CNIH1: variants seen among roughly 807,000 people sequenced by gnomAD.
CNIH1 encodes the protein protein cornichon homolog 1.
CNIH1 carries 12 observed loss-of-function variants against 20.2 expected under a neutral mutation model. The ratio of observed to expected loss-of-function variants is 0.59; its 90% CI spans 0.38 to 0.96. CNIH1 has a LOEUF of 0.96. CNIH1 is among the 40% of genes least tolerant of loss of function. The pLI, the probability that CNIH1 is intolerant of heterozygous loss-of-function variation, is 0.00. For missense variants in CNIH1, 152 were observed against 178.8 expected (o/e 0.85, Z 0.85); for synonymous variants, 69 against 63.3 (o/e 1.09, Z -0.43).
intron 1 of CNIH1, among the ~76,000 whole-genome samples, chr14:54,438,595 A>G (rs755065160): frequency 7.9e-5 from 12 of 152,230 alleles, no homozygotes; most frequent in Non-Finnish European, 1.0e-4. Context: ...CAATGACATG[A>G]ATTAGGACTA....
chr14:54,424,044 C>T lies in CNIH1; in HGVS notation c.*3770G>A, dbSNP rs931986591. On this transcript the variant is annotated 3_prime_UTR_variant, in exon 5 of 5. Transcript: ENST00000216416. The stretch of plus-strand genomic sequence containing the variant: ...TCAAAGTAAAATTGTTATAAGAAAG[C>T]TAGTCAATATATTTAGCAATAGAAC... 2 of 152,136 alleles carry T rather than the reference C, an allele frequency of 1.3e-5. No individual in the cohort carries two copies. The highest frequency in any genetic ancestry group is 4.8e-5 in the African/African-American group (2 of 41,434). 9.4% of individuals were successfully genotyped at this position (152,136 alleles called of 1,614,324 possible).
chr14:54,429,496 C>T (rs764206074), intron 4 of CNIH1, among the ~76,000 whole-genome samples: 4 of 152,194 alleles, frequency 2.6e-5, no homozygotes, highest in African/African-American at 4.8e-5. Context: ...CGATGGCTCA[C>T]GCCTGTAATC....
intron 3 of CNIH1, among the ~76,000 whole-genome samples, 156 bp from the exon 4 acceptor site, chr14:54,430,560 A>T (rs1239976407): frequency 2.0e-5 from 3 of 152,216 alleles, no homozygotes; most frequent in African/African-American, 7.2e-5. Flanking sequence ...TACCATCTTA[A>T]TTTTAAAAGT....
At chr14:54,432,508 C>T (rs922274580) in intron 2 of CNIH1, among the ~76,000 whole-genome samples, 3 of 152,184 alleles carry the variant, frequency 2.0e-5, no homozygotes, top group Admixed American at 1.3e-4. Context: ...AAAGTTACCA[C>T]CCAGATTGTT....
rs73257050 is a variant in CNIH1 at position 54,435,907 on chromosome 14, T to C, written c.150+462A>G. 1.5e-3 allele frequency among the ~76,000 whole-genome samples: 232 copies of C among 152,320 alleles called. 1 individual carries two copies. The highest frequency in any genetic ancestry group is 5.2e-3 in the African/African-American group (216 of 41,572). The stretch of plus-strand genomic sequence containing the variant: ...TACGCATTTAACAGCTTTCCCTACT[T>C]GACTGGGCCAGCAAGCATATATTTG... On this transcript the variant is annotated intron_variant, in intron 2 of 4. Transcript: ENST00000216416.
chr14:54,431,317 A>G (rs755827153), intron 3 of CNIH1, among the ~76,000 whole-genome samples: 2 of 151,972 alleles, frequency 1.3e-5, no homozygotes, highest in Non-Finnish European at 2.9e-5. Flanking sequence ...TAGTTGAGAC[A>G]GGGTTTCACC....
chr14:54,430,231 A>G (rs1446175863), intron 4 of CNIH1, 30 bp downstream of exon 4: 2 of 1,609,090 alleles, frequency 1.2e-6, no homozygotes, highest in African/African-American at 2.7e-5. Context: ...GCAAAGTGAA[A>G]GCATATTTCA....
In CNIH1 at chr14:54,426,007, T is replaced by A. The variant is rs2030820508; in HGVS notation, c.*1807A>T. ...CCAGGTCTTGCATGATCAAAAGTCC[T>A]TGTGAACAAGAAAGAAAACTAAGTG... On this transcript the variant is annotated 3_prime_UTR_variant, in exon 5 of 5. Coordinates refer to ENST00000216416, the MANE Select transcript of CNIH1 (RefSeq NM_005776.3). 1.3e-5 allele frequency: 2 copies of A among 152,144 alleles called. No homozygotes were observed. The highest frequency in any genetic ancestry group is 2.1e-4 in the South Asian group (1 of 4,826). 9.4% of individuals were successfully genotyped at this position (152,144 alleles called of 1,614,324 possible).
At chr14:54,430,943 T>C (rs564835235) in intron 3 of CNIH1, among the ~76,000 whole-genome samples, 4 of 152,246 alleles carry the variant, frequency 2.6e-5, no homozygotes, top group Non-Finnish European at 2.9e-5. Flanking sequence ...GCAATCCTTC[T>C]GCCTCAGCCT....
At chr14:54,432,241 A>G in intron 2 of CNIH1, 21 bp from the exon 3 acceptor site, 1 of 1,383,368 alleles carries the variant, frequency 7.2e-7, no homozygotes, top group East Asian at 2.6e-5. Context: ...AACACAAGCC[A>G]GTTATCAAAA....
Position 54,436,412 on chromosome 14 carries a change from G to T in CNIH1, c.107C>A (p.Thr36Asn). The change falls in exon 2 of 5, where the codon ACT becomes AAT. Residue 36 changes from threonine (T) to asparagine (N), a missense_variant. Transcript: ENST00000216416. ...WHIIAFDELK[T>N]DYKNPIDQCN... The stretch of plus-strand genomic sequence containing the variant: ...CTGGTCTATAGGATTCTTGTAATCA[G>T]TCTTCAGCTCATCAAATGCTATAAT... The T allele has an allele frequency of 6.4e-7, 1 of 1,573,078 alleles. No individual in the cohort carries two copies. Among genetic ancestry groups the T allele is most frequent in the Non-Finnish European group, 8.7e-7 (1 of 1,143,398 alleles).
At position 54,429,269 on chromosome 14, in the gene CNIH1, A is replaced by G. The variant is rs2030885337; in HGVS notation, c.407+992T>C. On this transcript the variant is annotated intron_variant, in intron 4 of 4. Transcript: ENST00000216416. ...CCTCAGGACATCTGGCAATGTCCAGAGACATTTTTGGTTGTCATGAGGGGG... is the reference window on the plus strand; with the variant it reads ...CCTCAGGACATCTGGCAATGTCCAGGGACATTTTTGGTTGTCATGAGGGGG... Among the ~76,000 whole-genome samples the G allele has an allele frequency of 5.3e-5, 8 of 152,332 alleles. No homozygotes were observed. In the South Asian group the frequency reaches 1.7e-3, roughly 32 times the overall value.
At position 54,427,304 on chromosome 14, in the gene CNIH1, A is replaced by T. The variant is rs539372402; in HGVS notation, c.*510T>A. The T allele has an allele frequency of 6.6e-6, 1 of 152,654 alleles. No individual in the cohort carries two copies. Among genetic ancestry groups the T allele is most frequent in the Admixed American group, 6.5e-5 (1 of 15,310 alleles). The allele number at this position is 152,654 out of a possible 1,614,324, so 9.5% of individuals were successfully genotyped here. ...GAAAATTCCCGCTTTTTATTTTTGT[A>T]AATGTATCCATATATAATCATCGAC... On this transcript the variant is annotated 3_prime_UTR_variant, in exon 5 of 5. Coordinates refer to ENST00000216416, the MANE Select transcript of CNIH1 (RefSeq NM_005776.3).
chr14:54,426,273 A>C lies in CNIH1; in HGVS notation c.*1541T>G, dbSNP rs1029715638. 1.3e-5 allele frequency: 2 copies of C among 152,120 alleles called. No individual in the cohort carries two copies. Among genetic ancestry groups the C allele is most frequent in the African/African-American group, 2.4e-5 (1 of 41,416 alleles). The allele number at this position is 152,120 out of a possible 1,614,324, so 9.4% of individuals were successfully genotyped here. ...CTTCCTCAACATACTCACCCCCATT[A>C]CCCAGAATAGTTAACAGCTACTCTC... is the stretch of plus-strand genomic sequence containing the variant. On this transcript the variant is annotated 3_prime_UTR_variant, in exon 5 of 5. Coordinates refer to ENST00000216416, the MANE Select transcript of CNIH1 (RefSeq NM_005776.3).
At chr14:54,431,740 G>C (rs116953904) in intron 3 of CNIH1, among the ~76,000 whole-genome samples, 3,827 of 152,234 alleles carry the variant, frequency 0.025, 71 homozygotes, top group Middle Eastern at 0.051. Context: ...GTCTTGGGAG[G>C]TGTGGAGGGT....
At chr14:54,441,139 C>T (rs923689029) in intron 1 of CNIH1, 108 bp downstream of exon 1, 3 of 1,170,330 alleles carry the variant, frequency 2.6e-6, no homozygotes, top group South Asian at 3.0e-5. Context: ...CGGGCCGCAT[C>T]CCCGACGCGC....
At chr14:54,430,455 G>A in intron 3 of CNIH1, 51 bp from the exon 4 acceptor site, 2 of 1,540,068 alleles carry the variant, frequency 1.3e-6, no homozygotes, top group Non-Finnish European at 1.8e-6. Context: ...TAAATGTTCA[G>A]ATAAGAAAGC....
intron 2 of CNIH1, chr14:54,435,934 A>C: frequency 1.7e-6 from 1 of 588,276 alleles, no homozygotes; most frequent in Non-Finnish European, 3.0e-6. Context: ...ATATATTTGC[A>C]TAAAATATGA....
intron 2 of CNIH1, among the ~76,000 whole-genome samples, chr14:54,435,825 T>G (rs2031043734): frequency 6.6e-6 from 1 of 152,220 alleles, no homozygotes; most frequent in African/African-American, 2.4e-5. Context: ...AACTTTCAAG[T>G]ACTACACCAA....
Sources: allele counts gnomAD v4.1 joint callset (sites outside exome capture counted in the v4.1 genomes callset), GRCh38; gene constraint gnomAD v4.1.1; transcripts MANE v1.5; gene names NCBI Gene and HGNC (gene_info 2026-07-23, HGNC 2026-07-21).